ZNF730: variants seen among roughly 807,000 people sequenced by gnomAD.
ZNF730 encodes the protein putative zinc finger protein 730.
Under a neutral mutation model 12.6 loss-of-function variants are expected in ZNF730, and 12 were observed. The ratio of observed to expected loss-of-function variants is 0.95; its 90% CI spans 0.61 to 1.54. ZNF730 has a LOEUF of 1.54. Ranked by LOEUF, ZNF730 falls within the 40% of genes most tolerant of loss-of-function variation. ZNF730 has a pLI of 0.00. For synonymous variants in ZNF730, 194 were observed against 195.8 expected (o/e 0.99, Z 0.08); for missense variants, 643 against 583.5 (o/e 1.10, Z -1.05).
At chr19:23,137,163 CTGT>C (rs1970846322) in intron 3 of ZNF730, among the ~76,000 whole-genome samples, 1 of 152,070 alleles carries the variant, frequency 6.6e-6, no homozygotes, top group African/African-American at 2.4e-5. Flanking sequence ...GAGTGAGACT[CTGT>C]CAAAAAAATA....
At chr19:23,139,863 A>C (rs1970888281) in intron 3 of ZNF730, among the ~76,000 whole-genome samples, 1 of 152,134 alleles carries the variant, frequency 6.6e-6, no homozygotes, top group Admixed American at 6.5e-5. Context: ...GTTGCATACC[A>C]GATTTTATGA....
chr19:23,077,755 G>A (rs985927019), intron 1 of ZNF730, among the ~76,000 whole-genome samples: 2 of 152,058 alleles, frequency 1.3e-5, no homozygotes. Context: ...GTGGGGAAAA[G>A]AGAGATCAGA....
rs147488391 is a variant in ZNF730, at chr19:23,095,279, T to A, written c.-94+19892T>A. Reference sequence around the variant, plus strand: ...CTTCCACAGGGGACATTGTGTAATATCGTTGGGCCTCACACGTACGTTATG... The same window carrying A: ...CTTCCACAGGGGACATTGTGTAATAACGTTGGGCCTCACACGTACGTTATG... On this transcript the variant is annotated intron_variant, in intron 1 of 2. Transcript: ENST00000593635. 4.8e-5 allele frequency: 19 copies of A among 397,974 alleles called. No homozygotes were observed. The East Asian group carries it at 6.8e-4, about 14-fold the overall frequency. The allele number at this position is 397,974 out of a possible 1,614,324, so 24.7% of individuals were successfully genotyped here.
chr19:23,096,564 G>T (rs957638233), intron 1 of ZNF730, among the ~76,000 whole-genome samples: 11 of 152,160 alleles, frequency 7.2e-5, no homozygotes, highest in East Asian at 5.8e-4. Flanking sequence ...GCCAACTGGG[G>T]TGTTTGTTAC....
At chr19:23,131,125 C>T (rs375638342) in intron 1 of ZNF730, among the ~76,000 whole-genome samples, 6 of 152,140 alleles carry the variant, frequency 3.9e-5, no homozygotes, top group East Asian at 1.9e-4. Context: ...CAGATCTACT[C>T]GTTGCTCCCC....
chr19:23,096,910 T>C (rs148493902), intron 1 of ZNF730, among the ~76,000 whole-genome samples: 2 of 152,344 alleles, frequency 1.3e-5, no homozygotes, highest in African/African-American at 4.8e-5. Context: ...CTTTATGGCA[T>C]GGGAACTGTC....
At position 23,093,460 on chromosome 19, in the gene ZNF730, A is replaced by G. The variant is rs115732853; in HGVS notation, c.-94+18073A>G. Among the ~76,000 whole-genome samples, 1,375 of 152,310 alleles carry G rather than the reference A, an allele frequency of 9.0e-3. 28 individuals are homozygous for G. Among genetic ancestry groups the G allele is most frequent in the African/African-American group, 0.032 (1,323 of 41,570 alleles). ...ATTGCCGGAAGGGACGGCATGCTGCATGGTGGGTGCCCCTGCTGTGGGTTA... is the reference window on the plus strand; with the variant it reads ...ATTGCCGGAAGGGACGGCATGCTGCGTGGTGGGTGCCCCTGCTGTGGGTTA... On this transcript the variant is annotated intron_variant, in intron 1 of 2. Transcript: ENST00000593635.
chr19:23,106,356 A>G (rs1970392631), intron 1 of ZNF730, among the ~76,000 whole-genome samples: 1 of 152,204 alleles, frequency 6.6e-6, no homozygotes, highest in African/African-American at 2.4e-5. Flanking sequence ...ATGAAACTGA[A>G]CATCACAGAG....
chr19:23,121,874 A>T (rs1490665937), intron 1 of ZNF730, among the ~76,000 whole-genome samples: 1 of 152,140 alleles, frequency 6.6e-6, no homozygotes, highest in Non-Finnish European at 1.5e-5. Context: ...TCTTACGTGA[A>T]AGTAAGGGAG....
intron 1 of ZNF730, among the ~76,000 whole-genome samples, chr19:23,093,534 C>T (rs1365886904): frequency 6.6e-6 from 1 of 152,184 alleles, no homozygotes; most frequent in Non-Finnish European, 1.5e-5. Context: ...TGCTTCCCCC[C>T]CTCATTCTTG....
At chr19:23,128,128 A>T in intron 1 of ZNF730, 1 of 906,494 alleles carries the variant, frequency 1.1e-6, no homozygotes, top group Non-Finnish European at 1.8e-6. Flanking sequence ...TGCCAGAACT[A>T]CCACTGGCAA....
intron 1 of ZNF730, among the ~76,000 whole-genome samples, chr19:23,132,797 A>T (rs1970761632): frequency 6.6e-6 from 1 of 152,248 alleles, no homozygotes; most frequent in African/African-American, 2.4e-5. Flanking sequence ...GAAAAAAATT[A>T]TTAGGAGATA....
At chr19:23,092,194 A>G (rs1970171109) in intron 1 of ZNF730, among the ~76,000 whole-genome samples, 1 of 152,136 alleles carries the variant, frequency 6.6e-6, no homozygotes, top group Non-Finnish European at 1.5e-5. Flanking sequence ...GCCTCCCACC[A>G]TGATTCTGAT....
chr19:23,129,963 C>T (rs975719280), intron 1 of ZNF730, among the ~76,000 whole-genome samples: 9 of 146,632 alleles, frequency 6.1e-5, no homozygotes, highest in African/African-American at 2.0e-4. Flanking sequence ...CACTGCACTC[C>T]AGCCTGGGTG....
rs534014617 is a variant in ZNF730 at position 23,102,397 on chromosome 19, A to G, written c.-94+27010A>G. ...GTACTCCTGGCCAAAAACCCAGGTGATGTGACTCTTATCTCTCCCTATTCA... is the reference window on the plus strand; with the variant it reads ...GTACTCCTGGCCAAAAACCCAGGTGGTGTGACTCTTATCTCTCCCTATTCA... On this transcript the variant is annotated intron_variant, in intron 1 of 2. Transcript: ENST00000593635. Among the ~76,000 whole-genome samples, 6 of 151,966 alleles carry G rather than the reference A, an allele frequency of 3.9e-5. No individual in the cohort carries two copies. The South Asian group carries it at 1.2e-3, about 32-fold the overall frequency.
chr19:23,136,148 G>A, intron 3 of ZNF730, 105 bp downstream of exon 3: 1 of 791,296 alleles, frequency 1.3e-6, no homozygotes, highest in Non-Finnish European at 1.7e-6. Flanking sequence ...TTTTACAAAG[G>A]AAATAGTTTC....
chr19:23,133,316 G>T (rs890258652), intron 1 of ZNF730, among the ~76,000 whole-genome samples: 1 of 151,980 alleles, frequency 6.6e-6, no homozygotes, highest in African/African-American at 2.4e-5. Context: ...TGGCATCACT[G>T]GTCATCTTGT....
chr19:23,112,231 C>A (rs73029446), upstream of ZNF730, among the ~76,000 whole-genome samples: 8,201 of 152,144 alleles, frequency 0.054, 256 homozygotes, highest in Middle Eastern at 0.088. Flanking sequence ...AGATGGATAT[C>A]TTTATGTAGA....
At chr19:23,101,227 A>ATAAACACATTTCACTG (rs143203450) in intron 1 of ZNF730, among the ~76,000 whole-genome samples, 1 of 152,144 alleles carries the variant, frequency 6.6e-6, no homozygotes, top group South Asian at 2.1e-4. Context: ...ATTCTCCCAT[A>ATAAACACATTTCACTG]TTGAGGTTCT....
Sources: gnomAD v4.1 joint callset for allele counts (sites outside exome capture counted in the v4.1 genomes callset) on GRCh38, gnomAD v4.1.1 for gene constraint, MANE v1.5 for transcripts, NCBI Gene and HGNC (gene_info 2026-07-23, HGNC 2026-07-21) for gene names.